Variants in B4GALT6 observed in about 807,000 individuals in gnomAD.
The protein encoded by B4GALT6 is beta-1,4-galactosyltransferase 6, also known as UDP-Gal:beta-GlcNAc beta-1,4-galactosyltransferase 6.
Under a neutral mutation model 46.3 loss-of-function variants are expected in B4GALT6, and 14 were observed. That is an observed-to-expected ratio of 0.30 (90% CI 0.20 to 0.47). The LOEUF (loss-of-function observed/expected upper bound fraction) is 0.47. Among genes scored for constraint, B4GALT6 ranks in the 20% least tolerant of loss-of-function variants. B4GALT6 has a pLI of 0.99. For synonymous variants in B4GALT6, 168 were observed against 162.0 expected (o/e 1.04, Z -0.28); for missense variants, 386 against 480.1 (o/e 0.80, Z 1.83).
chr18:31,723,230 T>C, the B4GALT6 span, among the ~76,000 whole-genome samples: 493 of 152,328 alleles, frequency 3.2e-3, 3 homozygotes, highest in African/African-American at 0.011. Flanking sequence ...GCTCACTGTT[T>C]GCAAAGCAGT....
chr18:31,627,231 A>C (rs1415305080), intron 6 of B4GALT6, 110 bp from the exon 7 acceptor site: 1 of 805,518 alleles, frequency 1.2e-6, no homozygotes, highest in Non-Finnish European at 1.9e-6. Flanking sequence ...TATATTCTAT[A>C]TAGACAATTA....
intron 7 of B4GALT6, 45 bp downstream of exon 7, chr18:31,626,954 G>A (rs1240280701): frequency 6.6e-7 from 1 of 1,521,552 alleles, no homozygotes; most frequent in Non-Finnish European, 9.0e-7. Context: ...ATATAAATAA[G>A]ATTTATAAAA....
rs757604558 is a variant in B4GALT6 at position 31,684,443 on chromosome 18, A to G, written c.-17T>C. 8 of 1,611,968 alleles carry G rather than the reference A, an allele frequency of 5.0e-6. No individual in the cohort carries two copies. The South Asian group carries it at 7.7e-5, about 16-fold the overall frequency. On this transcript the variant is annotated 5_prime_UTR_variant, in exon 1 of 9. Transcript: ENST00000306851. Reference sequence around the variant, plus strand: ...CACAGACATCTTCCTCTTCCCTGCCAGCAGCCCAGGCTGCGCTCTCAGGCC... The same window carrying G: ...CACAGACATCTTCCTCTTCCCTGCCGGCAGCCCAGGCTGCGCTCTCAGGCC...
Position 31,624,294 on chromosome 18 carries a change from T to C in B4GALT6, c.*1320A>G, listed in dbSNP as rs1442274517. 1 of 152,022 alleles carries C rather than the reference T, an allele frequency of 6.6e-6. No homozygotes were observed. The highest frequency in any genetic ancestry group is 1.5e-5 in the Non-Finnish European group (1 of 67,902). 9.4% of individuals were successfully genotyped at this position (152,022 alleles called of 1,614,324 possible). A position where few individuals can be genotyped will look rare whatever the true frequency, so the allele number is the denominator to read the frequency against. ...AAATTATGCTTTTAGATACTACATA[T>C]AGAAGACATTATAATATCAGCGCAC... On this transcript the variant is annotated 3_prime_UTR_variant, in exon 9 of 9. Coordinates refer to ENST00000306851, the MANE Select transcript of B4GALT6 (RefSeq NM_004775.5).
intron 3 of B4GALT6, among the ~76,000 whole-genome samples, chr18:31,652,274 A>C (rs1475774031): frequency 6.6e-6 from 1 of 151,782 alleles, no homozygotes; most frequent in East Asian, 1.9e-4. Flanking sequence ...TCTCCCAATC[A>C]TTTTACTGAA....
the B4GALT6 span, among the ~76,000 whole-genome samples, chr18:31,702,012 A>C: frequency 2.0e-5 from 3 of 152,328 alleles, no homozygotes; most frequent in Non-Finnish European, 2.9e-5. Flanking sequence ...AAGCACTTAC[A>C]TAAGAGAAAT....
intron 4 of B4GALT6, among the ~76,000 whole-genome samples, chr18:31,640,669 T>C (rs2073918897): frequency 6.6e-6 from 1 of 152,160 alleles, no homozygotes; most frequent in Admixed American, 6.5e-5. Context: ...CCCCATAACG[T>C]CTCTCTTGGC....
the B4GALT6 span, among the ~76,000 whole-genome samples, chr18:31,700,468 T>TGTGTGTGTGTGTGTGAGA: frequency 1.3e-5 from 2 of 148,392 alleles, no homozygotes; most frequent in East Asian, 4.0e-4. Context: ...TGTGTGTGTG[T>TGTGTGTGTGTGTGTGAGA]GAGAGAGAGA....
chr18:31,650,806 T>C (rs550204888), intron 3 of B4GALT6, among the ~76,000 whole-genome samples: 12 of 152,210 alleles, frequency 7.9e-5, no homozygotes, highest in South Asian at 2.1e-4. Context: ...TCTCGCTCTG[T>C]CACCCAGGCT....
At chr18:31,712,132 A>T in the B4GALT6 span, among the ~76,000 whole-genome samples, 1 of 152,170 alleles carries the variant, frequency 6.6e-6, no homozygotes, top group Non-Finnish European at 1.5e-5. Flanking sequence ...TCATTTTCCA[A>T]AAATCAATAA....
chr18:31,684,179 T>C (rs2074513917), intron 1 of B4GALT6, 133 bp downstream of exon 1: 2 of 1,420,134 alleles, frequency 1.4e-6, no homozygotes, highest in African/African-American at 2.9e-5. Flanking sequence ...ACGTCTGAAA[T>C]AACATTTAAA....
chr18:31,695,464 G>A, the B4GALT6 span, among the ~76,000 whole-genome samples: 11 of 152,032 alleles, frequency 7.2e-5, no homozygotes, highest in East Asian at 2.1e-3. Context: ...CCCCCGAGAG[G>A]CAAAACAGCC....
intron 6 of B4GALT6, among the ~76,000 whole-genome samples, chr18:31,629,633 A>G (rs1364250184): frequency 6.6e-6 from 1 of 150,872 alleles, no homozygotes; most frequent in Admixed American, 6.6e-5. Flanking sequence ...GTGGATCACA[A>G]GGTCAGGAGA....
At position 31,666,497 on chromosome 18, in the gene B4GALT6, G is replaced by A. The variant is rs1384926297; in HGVS notation, c.116-125C>T. On this transcript the variant is annotated intron_variant, in intron 1 of 8. Coordinates refer to ENST00000306851, the MANE Select transcript of B4GALT6 (RefSeq NM_004775.5). ...ACTGACTCAATCAGCACGTCCAAACGCAAAACAGAAATATAAAATATTGCC... is the reference window on the plus strand; with the variant it reads ...ACTGACTCAATCAGCACGTCCAAACACAAAACAGAAATATAAAATATTGCC... 8 of 399,318 alleles carry A rather than the reference G, an allele frequency of 2.0e-5. No homozygotes were observed. The South Asian group carries it at 2.9e-4, about 15-fold the overall frequency. 24.7% of individuals were successfully genotyped at this position (399,318 alleles called of 1,614,324 possible). A position where few individuals can be genotyped will look rare whatever the true frequency, so the allele number is the denominator to read the frequency against.
chr18:31,721,197 G>A, the B4GALT6 span, among the ~76,000 whole-genome samples: 1 of 150,920 alleles, frequency 6.6e-6, no homozygotes, highest in Non-Finnish European at 1.5e-5. Context: ...GGGGTGGGGG[G>A]CTGGGTGGGG....
chr18:31,631,277 C>T (rs1461751236), intron 5 of B4GALT6, 131 bp from the exon 6 acceptor site: 3 of 938,294 alleles, frequency 3.2e-6, no homozygotes, highest in Admixed American at 3.5e-5. Flanking sequence ...TGGTCTCGAA[C>T]TACTGACCTC....
intron 3 of B4GALT6, among the ~76,000 whole-genome samples, chr18:31,654,823 A>T (rs936368234): frequency 6.6e-6 from 1 of 152,230 alleles, no homozygotes; most frequent in African/African-American, 2.4e-5. Flanking sequence ...TGTAACTATT[A>T]TAAGATTTTA....
chr18:31,707,278 C>A, the B4GALT6 span, among the ~76,000 whole-genome samples: 11 of 148,884 alleles, frequency 7.4e-5, no homozygotes, highest in East Asian at 2.0e-4. Flanking sequence ...GAAAACTGAA[C>A]CTATTCTCCA....
chr18:31,626,323 T>A lies in B4GALT6; in HGVS notation c.961A>T (p.Ile321Phe). 6.2e-7 allele frequency: 1 copy of A among 1,608,896 alleles called. No individual in the cohort carries two copies. The highest frequency in any genetic ancestry group is 8.5e-7 in the Non-Finnish European group (1 of 1,176,618). The change falls in exon 8 of 9, where the codon ATT becomes TTT. Residue 321 changes from isoleucine to phenylalanine, a missense_variant. Physicochemically the swap from Ile to Phe is conservative, Grantham distance 21. Coordinates refer to ENST00000306851, the MANE Select transcript of B4GALT6 (RefSeq NM_004775.5). The stretch of plus-strand genomic sequence containing the variant: ...ACTTCACCTCTATGGTGATGAGGAA[T>A]TGACTTGTATTTTCCTAAGTCTCCC... ...PEGDLGKYKS[I>F]PHHHRGEVQF...
Sources: gnomAD v4.1 joint callset for allele counts (sites outside exome capture counted in the v4.1 genomes callset) on GRCh38, gnomAD v4.1.1 for gene constraint, MANE v1.5 for transcripts, NCBI Gene and HGNC (gene_info 2026-07-23, HGNC 2026-07-21) for gene names.